Variants in KLHL28 observed in about 807,000 individuals in gnomAD.
The protein encoded by KLHL28 is kelch like family member 28.
KLHL28 carries 22 observed loss-of-function variants against 48.3 expected under a neutral mutation model. That is an observed-to-expected ratio of 0.46 (90% CI 0.33 to 0.65). The LOEUF (loss-of-function observed/expected upper bound fraction) is 0.65, where lower values mean the gene tolerates loss of function less well. Among genes scored for constraint, KLHL28 ranks in the 30% least tolerant of loss-of-function variants. KLHL28 has a pLI of 0.03. For missense variants in KLHL28, 527 were observed against 704.3 expected (o/e 0.75, Z 2.85); for synonymous variants, 243 against 242.4 (o/e 1.00, Z -0.02).
intron 4 of KLHL28, among the ~76,000 whole-genome samples, chr14:44,930,114 C>G (rs763941888): frequency 6.6e-6 from 1 of 152,096 alleles, no homozygotes; most frequent in African/African-American, 2.4e-5. Context: ...CTCATTGTTT[C>G]TGTGGCTTTC....
chr14:44,943,835 C>T (rs755473157), intron 2 of KLHL28, among the ~76,000 whole-genome samples: 6 of 151,512 alleles, frequency 4.0e-5, no homozygotes, highest in South Asian at 2.1e-4. Flanking sequence ...TTGCCTCAGC[C>T]TCCTGATTAG....
rs1278433294 is a variant in KLHL28, at chr14:44,961,912, G to C, written c.-67C>G. The C allele has an allele frequency of 6.5e-6, 1 of 153,196 alleles. No individual in the cohort carries two copies. Among genetic ancestry groups the C allele is most frequent in the African/African-American group, 2.4e-5 (1 of 41,478 alleles). 9.5% of individuals were successfully genotyped at this position (153,196 alleles called of 1,614,324 possible). ...CCGCGGACAACTGGAGCCTGGGCTG[G>C]ATCCTCACTAGCTCCGGTCAAACCC... is the stretch of plus-strand genomic sequence containing the variant. On this transcript the variant is annotated 5_prime_UTR_variant, in exon 1 of 5. The change creates a new upstream start codon in the 5' untranslated region. Transcript: ENST00000396128.
At chr14:44,953,365 A>G (rs1332450437) in intron 1 of KLHL28, among the ~76,000 whole-genome samples, 1 of 152,260 alleles carries the variant, frequency 6.6e-6, no homozygotes, top group Non-Finnish European at 1.5e-5. Context: ...AAATACGGGT[A>G]AAAACTTATG....
chr14:44,942,744 C>A (rs79158941), intron 2 of KLHL28, among the ~76,000 whole-genome samples: 55 of 152,276 alleles, frequency 3.6e-4, no homozygotes, highest in Non-Finnish European at 7.5e-4. Flanking sequence ...TAGCATTCAA[C>A]ACTCAACTTG....
At chr14:44,936,368 G>C (rs1226110107) in intron 2 of KLHL28, among the ~76,000 whole-genome samples, 1 of 152,106 alleles carries the variant, frequency 6.6e-6, no homozygotes, top group African/African-American at 2.4e-5. Context: ...AGGATAAATG[G>C]AAAAGCAAAG....
chr14:44,956,633 A>G (rs1251259510), intron 1 of KLHL28, among the ~76,000 whole-genome samples: 1 of 152,250 alleles, frequency 6.6e-6, no homozygotes, highest in Non-Finnish European at 1.5e-5. Flanking sequence ...CAACAAATAA[A>G]CTGCAAGAAA....
At chr14:44,931,223 T>C (rs1347499613) in intron 4 of KLHL28, 110 bp downstream of exon 4, 4 of 605,864 alleles carry the variant, frequency 6.6e-6, no homozygotes, top group Non-Finnish European at 1.1e-5. Context: ...TTTTTTTTTT[T>C]TCTGGACAAG....
intron 1 of KLHL28, among the ~76,000 whole-genome samples, chr14:44,953,094 G>T (rs926328375): frequency 1.3e-5 from 2 of 152,134 alleles, no homozygotes; most frequent in African/African-American, 4.8e-5. Flanking sequence ...GATTAAATGA[G>T]ACGTATGTAA....
intron 2 of KLHL28, among the ~76,000 whole-genome samples, chr14:44,939,939 G>A (rs1255432240): frequency 6.6e-6 from 1 of 152,132 alleles, no homozygotes; most frequent in Admixed American, 6.5e-5. Flanking sequence ...TTTGGTACCA[G>A]TATTCTGCCT....
intron 1 of KLHL28, among the ~76,000 whole-genome samples, chr14:44,948,637 C>A (rs1418209992): frequency 1.3e-5 from 2 of 152,036 alleles, no homozygotes; most frequent in African/African-American, 4.8e-5. Flanking sequence ...TTGCCACTTC[C>A]CAATATCCCC....
At chr14:44,938,919 T>C (rs1460771223) in intron 2 of KLHL28, among the ~76,000 whole-genome samples, 3 of 152,204 alleles carry the variant, frequency 2.0e-5, no homozygotes, top group Non-Finnish European at 1.5e-5. Flanking sequence ...ATGACTCCCC[T>C]AGCCATTGCC....
Position 44,934,223 on chromosome 14 carries a change from T to C in KLHL28, c.1235A>G (p.Lys412Arg), listed in dbSNP as rs985300208. The C allele has an allele frequency of 1.1e-5, 17 of 1,614,060 alleles. No homozygotes were observed. The Admixed American group carries it at 1.8e-4, about 17-fold the overall frequency. Residue 412 changes from lysine to arginine, a missense_variant, in exon 3 of 5, where the codon AAA (lysine) becomes AGA (arginine). Lys to Arg is a conservative substitution (Grantham distance 26). Transcript: ENST00000396128. ...CGTCATTGGTGCCACAGGTTGCCAT[T>C]TTCTTATTTTGGGAATGTACTTCTC... The part of the protein sequence containing the change: ...SVEKYIPKIR[K>R]WQPVAPMTTT...
chr14:44,954,426 A>T (rs1442500507), intron 1 of KLHL28, among the ~76,000 whole-genome samples: 1 of 152,222 alleles, frequency 6.6e-6, no homozygotes, highest in African/African-American at 2.4e-5. Context: ...ACTGACCAAG[A>T]TTTTTAAAAC....
intron 2 of KLHL28, among the ~76,000 whole-genome samples, chr14:44,944,441 A>C (rs1884235424): frequency 6.6e-6 from 1 of 152,174 alleles, no homozygotes; most frequent in Non-Finnish European, 1.5e-5. Flanking sequence ...CTTTTATAGA[A>C]AAAGTCTGAC....
At chr14:44,939,418 T>G (rs1000376650) in intron 2 of KLHL28, among the ~76,000 whole-genome samples, 1 of 152,224 alleles carries the variant, frequency 6.6e-6, no homozygotes, top group Non-Finnish European at 1.5e-5. Flanking sequence ...ACCTTTTCAC[T>G]TTTTACATGG....
At chr14:44,947,258 A>G (rs1170893866) in intron 1 of KLHL28, among the ~76,000 whole-genome samples, 1 of 152,172 alleles carries the variant, frequency 6.6e-6, no homozygotes, top group Non-Finnish European at 1.5e-5. Flanking sequence ...AAACCAAGGA[A>G]TGCTGGCAGT....
chr14:44,935,630 A>G (rs1052509427), intron 2 of KLHL28, among the ~76,000 whole-genome samples: 22 of 151,720 alleles, frequency 1.5e-4, no homozygotes, highest in African/African-American at 5.1e-4. Context: ...AAACCTAACA[A>G]TATATTGGGG....
intron 2 of KLHL28, among the ~76,000 whole-genome samples, chr14:44,938,608 G>A (rs528392963): frequency 9.9e-5 from 15 of 152,260 alleles, no homozygotes; most frequent in African/African-American, 2.9e-4. Context: ...CTGACCTCGC[G>A]ATCTGCCCGC....
intron 1 of KLHL28, among the ~76,000 whole-genome samples, chr14:44,950,394 A>G (rs777810693): frequency 7.2e-5 from 11 of 152,148 alleles, no homozygotes; most frequent in Non-Finnish European, 1.5e-4. Flanking sequence ...GACTAGATTC[A>G]TTTTTAATAT....
Sources: gnomAD v4.1 joint callset for allele counts (sites outside exome capture counted in the v4.1 genomes callset) on GRCh38, gnomAD v4.1.1 for gene constraint, MANE v1.5 for transcripts, NCBI Gene and HGNC (gene_info 2026-07-23, HGNC 2026-07-21) for gene names.